Variants in ADAMTS16 observed in about 807,000 individuals in gnomAD.
ADAMTS16 encodes ADAM metallopeptidase with thrombospondin type 1 motif 16, also known as A disintegrin and metalloproteinase with thrombospondin motifs 16.
In ADAMTS16, 94 loss-of-function variants were observed where a neutral mutation model predicts 145.8. That is an observed-to-expected ratio of 0.64 (90% CI 0.55 to 0.77). ADAMTS16 has a LOEUF of 0.77. Among genes scored for constraint, ADAMTS16 ranks in the 30% least tolerant of loss-of-function variants. ADAMTS16 has a pLI of 0.00. For missense variants in ADAMTS16, 1,585 were observed against 1,591.5 expected, an observed-to-expected ratio of 1.00 and a Z score of 0.07; for synonymous variants, 659 against 604.3, an observed-to-expected ratio of 1.09 and a Z score of -1.33.
At chr5:5,296,706 T>C (rs1579393280) in intron 18 of ADAMTS16, among the ~76,000 whole-genome samples, 1 of 152,166 alleles carries the variant, frequency 6.6e-6, no homozygotes, top group Non-Finnish European at 1.5e-5. Context: ...TGCAGGTGTT[T>C]GAGAGCCCCA....
chr5:5,229,430 T>C (rs909392522), intron 11 of ADAMTS16, among the ~76,000 whole-genome samples: 4 of 152,078 alleles, frequency 2.6e-5, no homozygotes, highest in Admixed American at 6.5e-5. Context: ...AGGTTATAAA[T>C]GACCTTGTAT....
At chr5:5,292,522 T>G (rs893521391) in intron 18 of ADAMTS16, among the ~76,000 whole-genome samples, 1 of 150,438 alleles carries the variant, frequency 6.6e-6, no homozygotes, top group Non-Finnish European at 1.5e-5. Flanking sequence ...ATAATAATAA[T>G]AATAATTTTA....
chr5:5,317,103 T>C lies in ADAMTS16; in HGVS notation c.3412-1031T>C, dbSNP rs945412930. ...GCAGAGGCAAGAGGAAATGAGGGGT[T>C]ACCCCAACCAGCAGTGACAAGGGCT... On this transcript the variant is annotated intron_variant, in intron 21 of 22. Coordinates refer to ENST00000274181, the MANE Select transcript of ADAMTS16 (RefSeq NM_139056.4). This position sits in a 1 kb window ranked among gnomAD's most constrained non-coding sequence, Gnocchi z 4.5. Among the ~76,000 whole-genome samples the C allele has an allele frequency of 6.6e-6, 1 of 152,188 alleles. No homozygotes were observed. Among genetic ancestry groups the C allele is most frequent in the Non-Finnish European group, 1.5e-5 (1 of 68,022 alleles).
Position 5,190,058 on chromosome 5 carries a change from C to T in ADAMTS16, c.1135C>T (p.Arg379Cys), listed in dbSNP as rs200227089. Reference sequence around the variant, plus strand: ...TGGATTGATGGGGAAAGATGGGACTCGTCATGACCACGCCATCTTACTGAC... The same window carrying T: ...TGGATTGATGGGGAAAGATGGGACTTGTCATGACCACGCCATCTTACTGAC... ...QSGLMGKDGT[R>C]HDHAILLTGL... The change falls in exon 7 of 23, where the codon CGT becomes TGT. Residue 379 changes from arginine (R) to cysteine (C), a missense_variant. Physicochemically the swap from Arg to Cys is radical, Grantham distance 180 (BLOSUM62 -3). This residue lies in a region of ADAMTS16 where 298 missense variants were observed against 367.6 expected (regional missense o/e 0.81). Transcript: ENST00000274181. 5.0e-6 allele frequency: 8 copies of T among 1,613,186 alleles called. No individual in the cohort carries two copies. The highest frequency in any genetic ancestry group is 1.1e-5 in the South Asian group (1 of 90,772).
intron 3 of ADAMTS16, among the ~76,000 whole-genome samples, chr5:5,160,009 T>G (rs1444341030): frequency 6.6e-6 from 1 of 152,178 alleles, no homozygotes; most frequent in African/African-American, 2.4e-5. Flanking sequence ...CAGGTTATCA[T>G]TAGGTAATAA....
chr5:5,187,395 A>G (rs1735532908), intron 5 of ADAMTS16, among the ~76,000 whole-genome samples: 1 of 152,022 alleles, frequency 6.6e-6, no homozygotes, highest in South Asian at 2.1e-4. Flanking sequence ...CACTTATGGA[A>G]TTCCTTGCCA....
intron 3 of ADAMTS16, among the ~76,000 whole-genome samples, chr5:5,155,186 A>G (rs892304225): frequency 1.3e-5 from 2 of 152,152 alleles, no homozygotes; most frequent in African/African-American, 4.8e-5. Context: ...TTTAAGAAGG[A>G]AGTCCACTGG....
intron 9 of ADAMTS16, among the ~76,000 whole-genome samples, chr5:5,208,548 C>T (rs1417809431): frequency 1.3e-5 from 2 of 152,130 alleles, no homozygotes; most frequent in Non-Finnish European, 2.9e-5. Context: ...TGGGGGTCAT[C>T]AGAAATCATC....
intron 3 of ADAMTS16, among the ~76,000 whole-genome samples, 179 bp from the exon 4 acceptor site, chr5:5,181,865 A>C (rs2126559505): frequency 6.6e-6 from 1 of 152,262 alleles, no homozygotes; most frequent in Admixed American, 6.5e-5. Context: ...CTGTGTGTGG[A>C]GGCCTTTCCC....
At chr5:5,206,541 A>G (rs1055043036) in intron 9 of ADAMTS16, among the ~76,000 whole-genome samples, 3 of 147,508 alleles carry the variant, frequency 2.0e-5, no homozygotes, top group Admixed American at 6.7e-5. Context: ...GTGCAGTGGT[A>G]TGATCTCGGC....
At position 5,296,682 on chromosome 5, in the gene ADAMTS16, C is replaced by T. The variant is rs977120060; in HGVS notation, c.2790-6586C>T. Among the ~76,000 whole-genome samples the T allele has an allele frequency of 5.3e-5, 8 of 152,098 alleles. No individual in the cohort carries two copies. The East Asian group carries it at 5.8e-4, about 11-fold the overall frequency. ...ATTTCTGGTTCATACAGAACAGGAG[C>T]GAGACCAGGAATGTGCAGGTGTTTG... On this transcript the variant is annotated intron_variant, in intron 18 of 22. Transcript: ENST00000274181.
At chr5:5,251,799 C>T (rs1187178250) in intron 17 of ADAMTS16, among the ~76,000 whole-genome samples, 1 of 152,174 alleles carries the variant, frequency 6.6e-6, no homozygotes, top group Non-Finnish European at 1.5e-5. Context: ...GATTCTCGGG[C>T]CCCCAGCCCA....
intron 18 of ADAMTS16, among the ~76,000 whole-genome samples, chr5:5,292,575 GAC>G (rs1385678776): frequency 6.6e-6 from 1 of 151,620 alleles, no homozygotes; most frequent in African/African-American, 2.4e-5. Flanking sequence ...ACCCAGTATA[GAC>G]ACTTCTCCAA....
In ADAMTS16 at chr5:5,202,500, G is replaced by GT. The variant is rs200716067; in HGVS notation, c.1451+2233dup. On this transcript the variant is annotated intron_variant, in intron 9 of 22. Transcript: ENST00000274181. ...TATTCTCAGAGTCAAGCTGGGGATT[G>GT]TTAGCATTGTTTTTAGCTGTTTCTT... Among the ~76,000 whole-genome samples the GT allele has an allele frequency of 1.6e-3, 246 of 152,244 alleles. 7 individuals carry two copies. The East Asian group carries it at 0.04, about 25-fold the overall frequency.
intron 3 of ADAMTS16, among the ~76,000 whole-genome samples, chr5:5,158,788 C>T (rs190829956): frequency 2.6e-5 from 4 of 152,276 alleles, no homozygotes; most frequent in African/African-American, 9.6e-5. Context: ...GGCATTTGTC[C>T]AGCTCTTAGC....
intron 20 of ADAMTS16, among the ~76,000 whole-genome samples, chr5:5,305,156 C>T: frequency 2.8e-5 from 3 of 105,970 alleles, no homozygotes; most frequent in Admixed American, 9.4e-5. Context: ...ACACCACACA[C>T]ACACACATAT....
At chr5:5,168,607 ATATTTT>A (rs1427773484) in intron 3 of ADAMTS16, among the ~76,000 whole-genome samples, 1 of 112,184 alleles carries the variant, frequency 8.9e-6, no homozygotes, top group East Asian at 2.2e-4. Context: ...ATATATAATT[ATATTTT>A]TATATATTAT....
At position 5,301,880 on chromosome 5, in the gene ADAMTS16, G is replaced by A. The variant is rs187929431; in HGVS notation, c.2790-1388G>A. On this transcript the variant is annotated intron_variant, in intron 18 of 22. Coordinates refer to ENST00000274181, the MANE Select transcript of ADAMTS16 (RefSeq NM_139056.4). Reference sequence around the variant, plus strand: ...CAGCTGCAGGCAGAGCCTCGCAGGCGACCCCTAGGTGGGACCCCTGGTGCC... The same window carrying A: ...CAGCTGCAGGCAGAGCCTCGCAGGCAACCCCTAGGTGGGACCCCTGGTGCC... Among the ~76,000 whole-genome samples, 46 of 152,298 alleles carry A rather than the reference G, an allele frequency of 3.0e-4. No individual in the cohort carries two copies. In the East Asian group the frequency reaches 7.1e-3, roughly 24 times the overall value.
intron 17 of ADAMTS16, among the ~76,000 whole-genome samples, chr5:5,251,226 C>G (rs1286909461): frequency 6.6e-6 from 1 of 152,170 alleles, no homozygotes; most frequent in Non-Finnish European, 1.5e-5. Flanking sequence ...TCGGTCTCTC[C>G]CTCCATGCAC....
Sources: gnomAD v4.1 joint callset for allele counts (sites outside exome capture counted in the v4.1 genomes callset) on GRCh38, gnomAD v4.1.1 for gene constraint, gnomAD v4.1.1 regional missense constraint, Gnocchi (gnomAD v3.1) non-coding constraint, MANE v1.5 for transcripts, NCBI Gene and HGNC (gene_info 2026-07-23, HGNC 2026-07-21) for gene names.